TTLL10: variants seen among roughly 807,000 people sequenced by gnomAD.
TTLL10 encodes the protein inactive polyglycylase TTLL10.
Under a neutral mutation model 69.0 loss-of-function variants are expected in TTLL10, and 61 were observed. That is an observed-to-expected ratio of 0.88 (90% CI 0.72 to 1.09). The LOEUF (loss-of-function observed/expected upper bound fraction) is 1.09, where lower values mean the gene tolerates loss of function less well. Ranked by LOEUF, TTLL10 falls within the 50% of genes least tolerant of loss-of-function variation. The pLI is 0.00. For synonymous variants in TTLL10, 408 were observed against 393.3 expected, an observed-to-expected ratio of 1.04 and a Z score of -0.44; for missense variants, 962 against 945.9, an observed-to-expected ratio of 1.02 and a Z score of -0.22.
chr1:1,175,459 T>G, intron 3 of TTLL10: 2 of 359,446 alleles, frequency 5.6e-6, no homozygotes, highest in South Asian at 4.2e-5. Flanking sequence ...GCCCTGTCCA[T>G]ATCATCCCGG....
chr1:1,180,976 G>C, intron 8 of TTLL10, 116 bp downstream of exon 8: 1 of 964,720 alleles, frequency 1.0e-6, no homozygotes, highest in South Asian at 2.0e-5. Context: ...CCTTGCCCCT[G>C]CCCCTGGCCA....
At position 1,197,835 on chromosome 1, in the gene TTLL10, C is replaced by A. The variant is rs1252968026; in HGVS notation, c.2010C>A (p.Asn670Lys). 1.3e-6 allele frequency: 2 copies of A among 1,495,654 alleles called. No individual in the cohort carries two copies. Among genetic ancestry groups the A allele is most frequent in the Non-Finnish European group, 1.8e-6 (2 of 1,121,218 alleles). The allele number at this position is 1,495,654 out of a possible 1,614,324, so 92.6% of individuals were successfully genotyped here. A position where few individuals can be genotyped will look rare whatever the true frequency, so the allele number is the denominator to read the frequency against. ...AGGAGGAACGCGAGGAGCCTGAGAA[C>A]GCGAGGCCCTAGGGGCAGCCACCCG... ...TAKEEREEPE[N>K]ARP Residue 670 changes from asparagine (N) to lysine (K), a missense_variant, in exon 16 of 16, where the codon AAC (asparagine) becomes AAA (lysine). By Grantham distance (94) the Asn-to-Lys change is moderately conservative. Coordinates refer to ENST00000379289, the MANE Select transcript of TTLL10 (RefSeq NM_001130045.2).
At chr1:1,184,725 C>T in intron 12 of TTLL10, among the ~76,000 whole-genome samples, 1 of 143,934 alleles carries the variant, frequency 6.9e-6, no homozygotes, top group Non-Finnish European at 1.5e-5. Flanking sequence ...AGTCTGGGAG[C>T]CAGTCTCCAG....
intron 13 of TTLL10, among the ~76,000 whole-genome samples, chr1:1,193,311 C>G (rs184729530): frequency 1.3e-5 from 2 of 151,904 alleles, no homozygotes; most frequent in South Asian, 2.1e-4. Flanking sequence ...GGTGACAGAG[C>G]GAGACTCCGT....
Position 1,179,281 on chromosome 1 carries a change from C to T in TTLL10, c.66C>T (p.Phe22=), listed in dbSNP as rs1404569088. 1 of 1,551,220 alleles carries T rather than the reference C, an allele frequency of 6.4e-7. No individual in the cohort carries two copies. The highest frequency in any genetic ancestry group is 1.2e-5 in the South Asian group (1 of 84,038). Residue 22 remains phenylalanine, a synonymous_variant, in exon 4 of 16, where the codon TTC becomes TTT. Transcript: ENST00000379289. Reference sequence around the variant, plus strand: ...CACCCACTCGGACCCGAGCCGGCTTCAAGAGGGGCAAGAGGCCAAGGATCC... The same window carrying T: ...CACCCACTCGGACCCGAGCCGGCTTTAAGAGGGGCAAGAGGCCAAGGATCC... ...RGPPTRTRAG[F]KRGKRPRIQQ...
intron 3 of TTLL10, chr1:1,174,987 G>A (rs1246248032): frequency 2.0e-5 from 3 of 152,458 alleles, no homozygotes; most frequent in African/African-American, 4.8e-5. Flanking sequence ...ATGGCAGCAG[G>A]CGCCTGTAAT....
rs779807973 is a variant in TTLL10 at position 1,197,892 on chromosome 1, G to A, written c.*45G>A. The A allele has an allele frequency of 6.5e-5, 90 of 1,390,394 alleles. No homozygotes were observed. Among genetic ancestry groups the A allele is most frequent in the Middle Eastern group, 2.6e-4 (1 of 3,860 alleles). 86.1% of individuals were successfully genotyped at this position (1,390,394 alleles called of 1,614,324 possible). A position where few individuals can be genotyped will look rare whatever the true frequency, so the allele number is the denominator to read the frequency against. On this transcript the variant is annotated 3_prime_UTR_variant, in exon 16 of 16. Transcript: ENST00000379289. Reference sequence around the variant, plus strand: ...GCGCCCCGCGCCCCGCGCCCCAGCCGTGCTGCCTGCCCTCAGGGACCTATA... The same window carrying A: ...GCGCCCCGCGCCCCGCGCCCCAGCCATGCTGCCTGCCCTCAGGGACCTATA...
chr1:1,195,469 C>A (rs1648129706), intron 13 of TTLL10, among the ~76,000 whole-genome samples: 1 of 137,950 alleles, frequency 7.2e-6, no homozygotes, highest in Non-Finnish European at 1.5e-5. Flanking sequence ...CACCAGTATT[C>A]TCTATTATTT....
In TTLL10 at chr1:1,180,579, C is replaced by T; in HGVS notation, c.603C>T (p.Asp201=). 6.4e-7 allele frequency: 1 copy of T among 1,551,582 alleles called. No individual in the cohort carries two copies. Among genetic ancestry groups the T allele is most frequent in the South Asian group, 1.2e-5 (1 of 84,122 alleles). Residue 201 remains aspartate (D), a synonymous_variant, in exon 7 of 16, where the codon GAC becomes GAT. Transcript: ENST00000379289. ...AGTGGTGTGAGGTCAAGAGCCGAGA[C>T]AGCTACGGCAGCTTCCGGGAAGGTA... The part of the protein sequence containing the change: ...TLKWCEVKSR[D]SYGSFREGEQ...
intron 6 of TTLL10, 50 bp downstream of exon 6, chr1:1,180,390 G>C (rs1194539467): frequency 7.8e-6 from 12 of 1,540,042 alleles, no homozygotes; most frequent in Non-Finnish European, 1.1e-5. Flanking sequence ...CCCACCGCCT[G>C]CTCCCGGGGC....
At position 1,180,145 on chromosome 1, in the gene TTLL10, C is replaced by T; in HGVS notation, c.311C>T (p.Ala104Val). ...CACTGTGGGCCGGACCTGGAGGGGGCAGAAAGAGCCTCTGCCACACCCGGA... is the reference window on the plus strand; with the variant it reads ...CACTGTGGGCCGGACCTGGAGGGGGTAGAAAGAGCCTCTGCCACACCCGGA... ...DGHCGPDLEG[A>V]ERASATPGPP... Residue 104 changes from alanine (A) to valine (V), a missense_variant, in exon 6 of 16, where the codon GCA becomes GTA. Transcript: ENST00000379289. The T allele has an allele frequency of 6.2e-7, 1 of 1,611,026 alleles. No homozygotes were observed. Among genetic ancestry groups the T allele is most frequent in the Non-Finnish European group, 8.5e-7 (1 of 1,179,316 alleles).
chr1:1,184,071 G>A lies in TTLL10; in HGVS notation c.1240G>A (p.Gly414Ser), dbSNP rs748284091. The A allele has an allele frequency of 3.7e-5, 60 of 1,614,058 alleles. No homozygotes were observed. Among genetic ancestry groups the A allele is most frequent in the South Asian group, 3.6e-4 (33 of 91,096 alleles). The change falls in exon 12 of 16, where the codon GGC (glycine) becomes AGC (serine). Residue 414 changes from glycine (G) to serine (S), a missense_variant. Gly to Ser is a moderately conservative substitution (Grantham distance 56, BLOSUM62 0). Coordinates refer to ENST00000379289, the MANE Select transcript of TTLL10 (RefSeq NM_001130045.2). ...TTACGACCCCCATTCCAGCGACCTC[G>A]GCGGCCACTTGACCAACCAGGTGAG... ...SLYDPHSSDL[G>S]GHLTNQFMQK...
At chr1:1,178,485 T>A (rs1287776216) in intron 3 of TTLL10, among the ~76,000 whole-genome samples, 1 of 151,050 alleles carries the variant, frequency 6.6e-6, no homozygotes, top group East Asian at 2.0e-4. Context: ...CGCTTGAACC[T>A]GGGAGGCAGA....
At chr1:1,194,466 A>G (rs754342756) in intron 13 of TTLL10, among the ~76,000 whole-genome samples, 5 of 152,172 alleles carry the variant, frequency 3.3e-5, no homozygotes, top group Non-Finnish European at 7.3e-5. Context: ...TCCTCCTGTG[A>G]GTTCCAGTTA....
rs992783483 is a variant in TTLL10, at chr1:1,197,706, C to T, written c.1881C>T (p.Pro627=). Residue 627 remains proline (P), a synonymous_variant, in exon 16 of 16, where the codon CCC becomes CCT. Coordinates refer to ENST00000379289, the MANE Select transcript of TTLL10 (RefSeq NM_001130045.2). ...CGCAGCGTCCCCGGCCACCCGGCCC[C>T]GACCTGGACAGCGCCCACGATGGGG... ...LVPQRPRPPG[P]DLDSAHDGEP... The T allele has an allele frequency of 7.2e-6, 11 of 1,520,396 alleles. No individual in the cohort carries two copies. The East Asian group carries it at 1.6e-4, about 22-fold the overall frequency. The allele number at this position is 1,520,396 out of a possible 1,614,324, so 94.2% of individuals were successfully genotyped here.
At chr1:1,182,218 A>T in intron 9 of TTLL10, 143 bp from the exon 10 acceptor site, 1 of 724,248 alleles carries the variant, frequency 1.4e-6, no homozygotes, top group Admixed American at 2.1e-5. Flanking sequence ...GGAAACGCAA[A>T]GTCCCCACAA....
chr1:1,192,942 G>C (rs1647932726), intron 13 of TTLL10, among the ~76,000 whole-genome samples: 1 of 152,226 alleles, frequency 6.6e-6, no homozygotes, highest in Non-Finnish European at 1.5e-5. Context: ...TGAAACTAAA[G>C]TATCTTTTGT....
rs755983601 is a variant in TTLL10 at position 1,180,735 on chromosome 1, G to A, written c.630G>A (p.Glu210=). The change falls in exon 8 of 16, where the codon GAG becomes GAA. Residue 210 remains glutamate, a synonymous_variant. Transcript: ENST00000379289. ...GCCCTGGCCTCTGACCTCCAGGAGA[G>A]CAGCTGCTGTACCAGCTTCCCAACA... is the stretch of plus-strand genomic sequence containing the variant. ...RDSYGSFREG[E]QLLYQLPNNK... The A allele has an allele frequency of 8.7e-6, 14 of 1,605,510 alleles. No individual in the cohort carries two copies. The East Asian group carries it at 1.8e-4, about 21-fold the overall frequency.
chr1:1,188,498 A>G (rs901601034), intron 13 of TTLL10, among the ~76,000 whole-genome samples: 1 of 149,762 alleles, frequency 6.7e-6, no homozygotes, highest in Non-Finnish European at 1.5e-5. Context: ...CTCGCCTCCC[A>G]GGTTCAAGCG....
Sources: allele counts gnomAD v4.1 joint callset (sites outside exome capture counted in the v4.1 genomes callset), GRCh38; gene constraint gnomAD v4.1.1; transcripts MANE v1.5; gene names NCBI Gene and HGNC (gene_info 2026-07-23, HGNC 2026-07-21).